The following PLEKHG1 variants were observed in gnomAD, a reference collection of about 807,000 sequenced individuals.
The protein encoded by PLEKHG1 is pleckstrin homology domain-containing family G member 1.
In PLEKHG1, 44 loss-of-function variants were observed where a neutral mutation model predicts 100.8. The ratio of observed to expected loss-of-function variants is 0.44; its 90% CI spans 0.34 to 0.56. The LOEUF is 0.56. PLEKHG1 is among the 20% of genes least tolerant of loss of function. PLEKHG1 has a pLI of 0.01. For synonymous variants in PLEKHG1, 640 were observed against 662.5 expected, an observed-to-expected ratio of 0.97 and a Z score of 0.52; for missense variants, 1,545 against 1,720.9, an observed-to-expected ratio of 0.90 and a Z score of 1.81.
chr6:150,644,334 G>GGTTTTT (rs1554255840), intron 2 of PLEKHG1, among the ~76,000 whole-genome samples: 5 of 117,622 alleles, frequency 4.3e-5, no homozygotes, highest in South Asian at 2.9e-4. Flanking sequence ...TTCTTTTCGT[G>GGTTTTT]TTTTTTTTTT....
At chr6:150,747,983 G>C (rs72570349) in intron 2 of PLEKHG1, among the ~76,000 whole-genome samples, 15,314 of 151,612 alleles carry the variant, frequency 0.1, 855 homozygotes, top group Admixed American at 0.15. Flanking sequence ...TCACCACCAT[G>C]CATCTCCAGA....
intron 3 of PLEKHG1, among the ~76,000 whole-genome samples, chr6:150,677,040 G>T (rs996629381): frequency 1.3e-5 from 2 of 151,360 alleles, no homozygotes; most frequent in Non-Finnish European, 2.9e-5. Flanking sequence ...TTCTCCCTGC[G>T]CTGCCTTTAT....
intron 2 of PLEKHG1, among the ~76,000 whole-genome samples, chr6:150,760,377 A>G (rs2128634260): frequency 6.6e-6 from 1 of 152,336 alleles, no homozygotes; most frequent in African/African-American, 2.4e-5. Context: ...AAGCGTGTAA[A>G]GTTAACCTGA....
intron 10 of PLEKHG1, among the ~76,000 whole-genome samples, chr6:150,815,885 G>A (rs561835357): frequency 8.0e-4 from 122 of 152,210 alleles, no homozygotes; most frequent in Non-Finnish European, 1.5e-3. Flanking sequence ...TAGGACAGTG[G>A]TCTTCAACCT....
intron 3 of PLEKHG1, among the ~76,000 whole-genome samples, chr6:150,689,855 CAAAAA>C (rs58356927): frequency 2.4e-5 from 2 of 84,680 alleles, no homozygotes; most frequent in African/African-American, 4.3e-5. Flanking sequence ...AACTCTGTCT[CAAAAA>C]AAAAAAAAAA....
chr6:150,775,255 A>G (rs192299866), intron 3 of PLEKHG1, among the ~76,000 whole-genome samples: 112 of 152,304 alleles, frequency 7.4e-4, no homozygotes, highest in African/African-American at 2.6e-3. Context: ...TTTTAAAAAG[A>G]AAGTACCCCT....
intron 5 of PLEKHG1, among the ~76,000 whole-genome samples, chr6:150,796,838 A>T (rs182346326): frequency 6.6e-6 from 1 of 152,226 alleles, no homozygotes; most frequent in East Asian, 1.9e-4. Context: ...TTGGATTTGA[A>T]CCAAGGTTTC....
At chr6:150,840,832 A>G (rs1181293686) in exon 16 of PLEKHG1, 1 of 1,614,176 alleles carries the variant, frequency 6.2e-7, no homozygotes, top group Non-Finnish European at 8.5e-7. Flanking sequence ...TCTCCCAATC[A>G]ACAAAATATT....
At chr6:150,742,332 C>T (rs991171693) in intron 2 of PLEKHG1, among the ~76,000 whole-genome samples, 19 of 151,964 alleles carry the variant, frequency 1.3e-4, no homozygotes, top group African/African-American at 4.4e-4. Flanking sequence ...TCGGGGAGGC[C>T]GAGGTGGGCG....
At chr6:150,789,456 G>C (rs1482719433) in intron 4 of PLEKHG1, among the ~76,000 whole-genome samples, 1 of 152,062 alleles carries the variant, frequency 6.6e-6, no homozygotes, top group Non-Finnish European at 1.5e-5. Flanking sequence ...TTTAATTCCA[G>C]TTAAAGATAT....
At chr6:150,840,764 A>G (rs764436446) in exon 16 of PLEKHG1, 2 of 1,614,226 alleles carry the variant, frequency 1.2e-6, no homozygotes, top group South Asian at 1.1e-5. Context: ...GCCTTTCACC[A>G]TATCTGACAC....
At chr6:150,714,096 G>A (rs1209603231) in intron 3 of PLEKHG1, among the ~76,000 whole-genome samples, 4 of 152,204 alleles carry the variant, frequency 2.6e-5, no homozygotes, top group Admixed American at 2.0e-4. Flanking sequence ...TGGATTAGAT[G>A]TGTGTTATCT....
At chr6:150,795,615 G>T (rs1473251436) in intron 4 of PLEKHG1, among the ~76,000 whole-genome samples, 1 of 150,410 alleles carries the variant, frequency 6.6e-6, no homozygotes, top group South Asian at 2.1e-4. Flanking sequence ...CCAGCTACTC[G>T]GGAGGCTGAG....
chr6:150,707,296 G>T (rs1270071863), intron 3 of PLEKHG1, among the ~76,000 whole-genome samples: 1 of 152,046 alleles, frequency 6.6e-6, no homozygotes. Flanking sequence ...GAGCCACCAT[G>T]CCAGGCCTGT....
intron 3 of PLEKHG1, among the ~76,000 whole-genome samples, chr6:150,696,376 C>A (rs1180227389): frequency 6.6e-6 from 1 of 152,134 alleles, no homozygotes; most frequent in African/African-American, 2.4e-5. Flanking sequence ...TGGCAGCCTG[C>A]CAGCTTCAGA....
intron 1 of PLEKHG1, chr6:150,633,412 A>G (rs1305531942): frequency 6.5e-6 from 1 of 152,848 alleles, no homozygotes; most frequent in Non-Finnish European, 1.5e-5. Flanking sequence ...GCAGCTCAGT[A>G]TTGCTGGCCT....
At chr6:150,656,304 A>T (rs999983281) in intron 3 of PLEKHG1, among the ~76,000 whole-genome samples, 1 of 152,182 alleles carries the variant, frequency 6.6e-6, no homozygotes, top group African/African-American at 2.4e-5. Flanking sequence ...GTTTTCTCTC[A>T]AAGGGGTGAC....
chr6:150,762,256 C>A (rs1415774464), intron 2 of PLEKHG1, among the ~76,000 whole-genome samples: 1 of 150,570 alleles, frequency 6.6e-6, no homozygotes, highest in Non-Finnish European at 1.5e-5. Flanking sequence ...GTGGCGCAAT[C>A]TCAGCTCACT....
intron 2 of PLEKHG1, among the ~76,000 whole-genome samples, chr6:150,756,312 T>C (rs542410196): frequency 6.6e-6 from 1 of 152,200 alleles, no homozygotes; most frequent in Non-Finnish European, 1.5e-5. Flanking sequence ...AGCCTGTGAC[T>C]GTTTCTGGAT....
Sources: gnomAD v4.1 joint callset for allele counts (sites outside exome capture counted in the v4.1 genomes callset) on GRCh38, gnomAD v4.1.1 for gene constraint, MANE v1.5 for transcripts, NCBI Gene and HGNC (gene_info 2026-07-23, HGNC 2026-07-21) for gene names.